Variants in PTPRO observed in about 807,000 individuals in gnomAD.
PTPRO encodes the protein receptor-type tyrosine-protein phosphatase O.
Under a neutral mutation model 145.2 loss-of-function variants are expected in PTPRO, and 62 were observed. The observed-to-expected ratio is 0.43, with a 90% CI of 0.35 to 0.53. PTPRO has a LOEUF of 0.53. Among genes scored for constraint, PTPRO ranks in the 20% least tolerant of loss-of-function variants. The probability of loss-of-function intolerance (pLI) is 0.01; values close to 1 mark genes in which losing one functional copy is unlikely to be tolerated. For synonymous variants in PTPRO, 565 were observed against 514.7 expected (o/e 1.10, Z -1.32); for missense variants, 1,345 against 1,482.7 (o/e 0.91, Z 1.53).
At chr12:15,364,285 G>C (rs1392053434) in intron 1 of PTPRO, among the ~76,000 whole-genome samples, 1 of 152,140 alleles carries the variant, frequency 6.6e-6, no homozygotes, top group Admixed American at 6.6e-5. Context: ...GTAAAGGAGA[G>C]AGGTCATTAT....
chr12:15,474,210 T>C (rs1462066609), intron 1 of PTPRO, among the ~76,000 whole-genome samples: 1 of 152,182 alleles, frequency 6.6e-6, no homozygotes, highest in Non-Finnish European at 1.5e-5. Flanking sequence ...AAATTTTCAG[T>C]GATGGTGGGA....
intron 2 of PTPRO, among the ~76,000 whole-genome samples, chr12:15,493,549 G>GA (rs1469505305): frequency 6.6e-6 from 1 of 151,930 alleles, no homozygotes; most frequent in East Asian, 1.9e-4. Context: ...AAAAACATAA[G>GA]AAAAAATCAT....
At chr12:15,585,162 G>A (rs371721674) in intron 23 of PTPRO, among the ~76,000 whole-genome samples, 1 of 152,050 alleles carries the variant, frequency 6.6e-6, no homozygotes, top group Admixed American at 6.6e-5. Flanking sequence ...CACTTCAACC[G>A]TACTGGAATA....
Position 15,561,764 on chromosome 12 carries a change from A to G in PTPRO, c.2711+1488A>G, listed in dbSNP as rs79806218. On this transcript the variant is annotated intron_variant, in intron 17 of 26. Transcript: ENST00000281171. ...TACCATTAAAATACTAACAGCAAAT[A>G]CCCATAAAGTATCCCAGATTGCAAA... is the stretch of plus-strand genomic sequence containing the variant. Among the ~76,000 whole-genome samples, 208 of 152,192 alleles carry G rather than the reference A, an allele frequency of 1.4e-3. 2 individuals carry two copies. The East Asian group carries it at 0.038, about 28-fold the overall frequency.
At chr12:15,544,384 A>C (rs112765348) in intron 12 of PTPRO, among the ~76,000 whole-genome samples, 1 of 151,674 alleles carries the variant, frequency 6.6e-6, no homozygotes, top group East Asian at 2.0e-4. Flanking sequence ...ATGCGCCTGT[A>C]GTCTCAGCTA....
intron 12 of PTPRO, among the ~76,000 whole-genome samples, chr12:15,534,362 G>A (rs1460968097): frequency 1.3e-5 from 2 of 152,168 alleles, no homozygotes; most frequent in Non-Finnish European, 2.9e-5. Context: ...TCTGGTAATA[G>A]AATATCCATT....
At chr12:15,408,387 GT>G (rs1452296575) in intron 1 of PTPRO, among the ~76,000 whole-genome samples, 2 of 152,118 alleles carry the variant, frequency 1.3e-5, no homozygotes, top group Non-Finnish European at 2.9e-5. Context: ...TGTTGAGAAA[GT>G]TTTTTAACCT....
At chr12:15,498,341 G>A (rs572376818) in intron 3 of PTPRO, among the ~76,000 whole-genome samples, 4 of 152,128 alleles carry the variant, frequency 2.6e-5, no homozygotes, top group Admixed American at 6.5e-5. Context: ...GATCACTTGC[G>A]TTCAGGAGTT....
At chr12:15,390,687 T>A (rs539017710) in intron 1 of PTPRO, among the ~76,000 whole-genome samples, 1 of 152,142 alleles carries the variant, frequency 6.6e-6, no homozygotes, top group Non-Finnish European at 1.5e-5. Context: ...CAAAGTGAGA[T>A]ACCATAAGGC....
chr12:15,584,584 GTGTT>G (rs767327858), intron 23 of PTPRO, among the ~76,000 whole-genome samples: 11 of 152,198 alleles, frequency 7.2e-5, no homozygotes, highest in Non-Finnish European at 1.2e-4. Context: ...TTGAACAGTA[GTGTT>G]TGTTTGTAAG....
rs1437075551 is a variant in PTPRO, at chr12:15,598,056, A to G, written c.*1983A>G. Among the ~76,000 whole-genome samples, 1 of 152,114 alleles carries G rather than the reference A, an allele frequency of 6.6e-6. No individual in the cohort carries two copies. The highest frequency in any genetic ancestry group is 1.5e-5 in the Non-Finnish European group (1 of 67,998). On this transcript the variant is annotated 3_prime_UTR_variant, in exon 27 of 27. Transcript: ENST00000281171. ...CCATGAAACAAAGCACTTCATAAAT[A>G]TTTTATGTTTTTCTTGAGCACCCTT... is the stretch of plus-strand genomic sequence containing the variant.
At chr12:15,362,134 A>C (rs745581643) in intron 1 of PTPRO, among the ~76,000 whole-genome samples, 7 of 152,184 alleles carry the variant, frequency 4.6e-5, no homozygotes, top group Non-Finnish European at 7.3e-5. Context: ...CATAAACAGC[A>C]TTTAAGGGGA....
intron 7 of PTPRO, among the ~76,000 whole-genome samples, chr12:15,510,902 C>A (rs1942424978): frequency 6.7e-6 from 1 of 149,804 alleles, no homozygotes; most frequent in Non-Finnish European, 1.5e-5. Context: ...TGCAGTGGCT[C>A]ATGCCTGTAA....
intron 10 of PTPRO, 66 bp downstream of exon 10, chr12:15,520,378 C>A: frequency 8.0e-7 from 1 of 1,243,138 alleles, no homozygotes; most frequent in Middle Eastern, 2.1e-4. Context: ...ACCAAGGTTC[C>A]AAATCTCTAG....
intron 24 of PTPRO, among the ~76,000 whole-genome samples, chr12:15,588,268 T>C (rs1944471508): frequency 6.6e-6 from 1 of 152,216 alleles, no homozygotes; most frequent in South Asian, 2.1e-4. Context: ...AGTTGTCTAG[T>C]AGAAAAAGCA....
At chr12:15,440,145 C>T in intron 1 of PTPRO, 1 of 657,714 alleles carries the variant, frequency 1.5e-6, no homozygotes, top group Non-Finnish European at 2.8e-6. Flanking sequence ...ATCTCAGCCC[C>T]TGTGCCCAAG....
intron 2 of PTPRO, among the ~76,000 whole-genome samples, chr12:15,488,644 T>C (rs1210754798): frequency 3.3e-5 from 5 of 152,190 alleles, no homozygotes; most frequent in Non-Finnish European, 7.3e-5. Context: ...CTTGATGAAA[T>C]AAGCAATGAC....
At chr12:15,334,185 G>A (rs550143352) in intron 1 of PTPRO, among the ~76,000 whole-genome samples, 19 of 152,104 alleles carry the variant, frequency 1.2e-4, no homozygotes, top group Non-Finnish European at 2.2e-4. Flanking sequence ...AAACTTTTAT[G>A]ATTTCCTTTA....
intron 1 of PTPRO, among the ~76,000 whole-genome samples, chr12:15,429,010 T>G (rs1302286016): frequency 6.6e-6 from 1 of 152,178 alleles, no homozygotes; most frequent in Non-Finnish European, 1.5e-5. Flanking sequence ...ATACAAAAGC[T>G]GCTAATTACT....
Sources: gnomAD v4.1 joint callset for allele counts (sites outside exome capture counted in the v4.1 genomes callset) on GRCh38, gnomAD v4.1.1 for gene constraint, MANE v1.5 for transcripts, NCBI Gene and HGNC (gene_info 2026-07-23, HGNC 2026-07-21) for gene names.